Variants in DSCAM observed in about 807,000 individuals in gnomAD.
DSCAM encodes the protein DS cell adhesion molecule, also known as cell adhesion molecule DSCAM.
In DSCAM, 47 loss-of-function variants were observed where a neutral mutation model predicts 217.7. The ratio of observed to expected loss-of-function variants is 0.22; its 90% CI spans 0.17 to 0.28. The LOEUF (loss-of-function observed/expected upper bound fraction) is 0.28, where lower values mean the gene tolerates loss of function less well. DSCAM is among the 10% of genes least tolerant of loss of function. The pLI is 1.00. For synonymous variants in DSCAM, 1,056 were observed against 1,015.3 expected (o/e 1.04, Z -0.76); for missense variants, 2,080 against 2,618.3 (o/e 0.79, Z 4.49).
intron 1 of DSCAM, among the ~76,000 whole-genome samples, chr21:40,793,448 G>A (rs10084578): frequency 1.3e-5 from 2 of 149,874 alleles, no homozygotes; most frequent in Admixed American, 6.8e-5. Context: ...TAAATCCCTT[G>A]CTTTTTAGGT....
chr21:40,534,845 G>A (rs372775789), intron 3 of DSCAM, among the ~76,000 whole-genome samples: 27 of 152,090 alleles, frequency 1.8e-4, no homozygotes, highest in African/African-American at 6.5e-4. Flanking sequence ...ATAAAGTACA[G>A]AATGACATCA....
At chr21:40,746,445 A>T (rs2091175713) in intron 1 of DSCAM, among the ~76,000 whole-genome samples, 1 of 151,902 alleles carries the variant, frequency 6.6e-6, no homozygotes, top group Admixed American at 6.5e-5. Context: ...ATGGTAAAAA[A>T]TAAACAAAAA....
In DSCAM at chr21:40,691,261, C is replaced by T. The variant is rs568367188; in HGVS notation, c.508+1549G>A. ...CCTCCAAGTGGAAGCACTAAGAAGG[C>T]GTTTGTAATTCTCCCATGCTCTCTT... On this transcript the variant is annotated intron_variant, in intron 3 of 32. Transcript: ENST00000400454. Among the ~76,000 whole-genome samples the T allele has an allele frequency of 1.3e-4, 20 of 152,304 alleles. No individual in the cohort carries two copies. The South Asian group carries it at 3.1e-3, about 24-fold the overall frequency.
chr21:40,839,390 A>T (rs1183791589), intron 1 of DSCAM, among the ~76,000 whole-genome samples: 1 of 152,182 alleles, frequency 6.6e-6, no homozygotes, highest in Non-Finnish European at 1.5e-5. Flanking sequence ...CTGCCGTGAA[A>T]CATCTTTAAG....
At chr21:40,742,397 G>C (rs2146544890) in intron 1 of DSCAM, among the ~76,000 whole-genome samples, 1 of 152,298 alleles carries the variant, frequency 6.6e-6, no homozygotes, top group African/African-American at 2.4e-5. Flanking sequence ...CAGGAGCCAA[G>C]GAATATGAGG....
At chr21:40,180,199 G>A (rs2090784088) in intron 14 of DSCAM, among the ~76,000 whole-genome samples, 1 of 152,232 alleles carries the variant, frequency 6.6e-6, no homozygotes, top group South Asian at 2.1e-4. Context: ...ATGGACCTCT[G>A]AGTCTTGGGA....
chr21:40,816,930 C>G (rs1016451558), intron 1 of DSCAM, among the ~76,000 whole-genome samples: 1 of 152,120 alleles, frequency 6.6e-6, no homozygotes, highest in Non-Finnish European at 1.5e-5. Context: ...CGAGCTCGCT[C>G]TTTTTTGACA....
intron 9 of DSCAM, among the ~76,000 whole-genome samples, chr21:40,310,255 G>A (rs1055396639): frequency 6.6e-6 from 1 of 152,278 alleles, no homozygotes; most frequent in Non-Finnish European, 1.5e-5. Context: ...TACCCCTAAA[G>A]ATTATGATTT....
At chr21:40,332,722 C>T (rs896898243) in intron 8 of DSCAM, among the ~76,000 whole-genome samples, 6 of 152,170 alleles carry the variant, frequency 3.9e-5, no homozygotes, top group Non-Finnish European at 7.3e-5. Flanking sequence ...AGCAAACTTG[C>T]ACTTCTGGAT....
intron 3 of DSCAM, 66 bp downstream of exon 3, chr21:40,692,744 C>T (rs1601854187): frequency 6.5e-7 from 1 of 1,541,898 alleles, no homozygotes; most frequent in South Asian, 1.2e-5. Flanking sequence ...GACCCGATTC[C>T]ATCTCTGAAA....
chr21:40,844,542 A>G (rs1478331274), intron 1 of DSCAM, among the ~76,000 whole-genome samples: 4 of 152,240 alleles, frequency 2.6e-5, no homozygotes, highest in Non-Finnish European at 5.9e-5. Context: ...GGTGATTATC[A>G]GTTGATTTTA....
chr21:40,138,627 G>A (rs1378771074), intron 18 of DSCAM, among the ~76,000 whole-genome samples: 3 of 141,380 alleles, frequency 2.1e-5, no homozygotes, highest in African/African-American at 7.9e-5. Flanking sequence ...AGTGTGTGGT[G>A]TATGTGGGGT....
intron 10 of DSCAM, among the ~76,000 whole-genome samples, chr21:40,295,775 A>G (rs1014031290): frequency 1.3e-5 from 2 of 151,928 alleles, no homozygotes; most frequent in African/African-American, 4.8e-5. Flanking sequence ...CAGGTGGGCA[A>G]GGTAGGACTT....
intron 16 of DSCAM, among the ~76,000 whole-genome samples, chr21:40,162,909 G>T (rs1214209747): frequency 6.6e-6 from 1 of 152,052 alleles, no homozygotes; most frequent in Non-Finnish European, 1.5e-5. Context: ...GTTCTGCAAA[G>T]ATTTCTTATT....
intron 1 of DSCAM, among the ~76,000 whole-genome samples, chr21:40,799,766 T>C (rs1006680698): frequency 4.6e-5 from 7 of 152,244 alleles, no homozygotes; most frequent in African/African-American, 1.7e-4. Context: ...CTTTTAAAGA[T>C]TCTTGTGATT....
chr21:40,433,523 A>G (rs1370084625), intron 3 of DSCAM, among the ~76,000 whole-genome samples: 1 of 152,166 alleles, frequency 6.6e-6, no homozygotes, highest in African/African-American at 2.4e-5. Flanking sequence ...CTATAATTCA[A>G]TTATTAAGGA....
chr21:40,672,474 G>T (rs973893865), intron 3 of DSCAM, among the ~76,000 whole-genome samples: 36 of 151,974 alleles, frequency 2.4e-4, no homozygotes, highest in Non-Finnish European at 5.3e-4. Flanking sequence ...TGAAGTCAGT[G>T]ATAAGTCTGA....
chr21:40,128,853 C>T (rs750987090), intron 19 of DSCAM, among the ~76,000 whole-genome samples: 10 of 152,072 alleles, frequency 6.6e-5, no homozygotes, highest in South Asian at 4.2e-4. Flanking sequence ...CCCTTAGAAA[C>T]GATGAGATAA....
intron 32 of DSCAM, among the ~76,000 whole-genome samples, chr21:40,025,750 AT>A (rs1358082407): frequency 6.7e-6 from 1 of 149,228 alleles, no homozygotes; most frequent in African/African-American, 2.5e-5. Context: ...CATCTATTTG[AT>A]TCTTCTCTCT....
Sources: gnomAD v4.1 joint callset for allele counts (sites outside exome capture counted in the v4.1 genomes callset) on GRCh38, gnomAD v4.1.1 for gene constraint, MANE v1.5 for transcripts, NCBI Gene and HGNC (gene_info 2026-07-23, HGNC 2026-07-21) for gene names.